The following PLCL1 variants were observed in gnomAD, a reference collection of about 807,000 sequenced individuals.
PLCL1 encodes the protein phospholipase C like 1 (inactive).
A neutral mutation model predicts 84.4 loss-of-function variants in PLCL1; 41 were observed. The observed-to-expected ratio is 0.49, with a 90% CI of 0.38 to 0.63. The LOEUF is 0.63. Ranked by LOEUF, PLCL1 falls within the 30% of genes least tolerant of loss-of-function variation. PLCL1 has a pLI of 0.00. For synonymous variants in PLCL1, 490 were observed against 488.3 expected (o/e 1.00, Z -0.05); for missense variants, 1,206 against 1,367.8 (o/e 0.88, Z 1.87).
At chr2:197,996,183 G>T (rs1269781087) in intron 1 of PLCL1, among the ~76,000 whole-genome samples, 1 of 152,068 alleles carries the variant, frequency 6.6e-6, no homozygotes, top group African/African-American at 2.4e-5. Flanking sequence ...TTTGAAGAGA[G>T]ATCCAGGCCA....
intron 1 of PLCL1, among the ~76,000 whole-genome samples, chr2:197,874,274 A>G (rs762654915): frequency 2.0e-5 from 3 of 152,130 alleles, no homozygotes; most frequent in Non-Finnish European, 4.4e-5. Flanking sequence ...TTATTTTTGA[A>G]TATTGCAATT....
At chr2:197,994,511 G>A (rs1225940117) in intron 1 of PLCL1, among the ~76,000 whole-genome samples, 1 of 152,150 alleles carries the variant, frequency 6.6e-6, no homozygotes, top group Non-Finnish European at 1.5e-5. Context: ...CATATTTGGG[G>A]ATATAAGATA....
intron 1 of PLCL1, among the ~76,000 whole-genome samples, chr2:198,000,970 G>T (rs765612902): frequency 1.3e-5 from 2 of 152,048 alleles, no homozygotes; most frequent in Non-Finnish European, 2.9e-5. Context: ...ACTTTTCAGA[G>T]CCTTAAGTTT....
rs766374390 is a variant in PLCL1 at position 198,146,436 on chromosome 2, C to T, written c.3106-344C>T. Among the ~76,000 whole-genome samples, 8 of 152,070 alleles carry T rather than the reference C, an allele frequency of 5.3e-5. No individual in the cohort carries two copies. In the East Asian group the frequency reaches 1.2e-3, roughly 22 times the overall value. ...CAAGACTAGGAATGCTGGATCTGGG[C>T]GGGGTAGGTATTGCAGCAGTGTGCA... On this transcript the variant is annotated intron_variant, in intron 5 of 5. Transcript: ENST00000428675.
At chr2:197,956,189 A>G (rs1011767845) in intron 1 of PLCL1, among the ~76,000 whole-genome samples, 43 of 152,140 alleles carry the variant, frequency 2.8e-4, no homozygotes, top group African/African-American at 1.0e-3. Flanking sequence ...CATGGTGTAT[A>G]TGTGCCACAT....
chr2:197,863,272 G>C (rs886806317), intron 1 of PLCL1, among the ~76,000 whole-genome samples: 1 of 151,680 alleles, frequency 6.6e-6, no homozygotes, highest in Non-Finnish European at 1.5e-5. Context: ...GCTTGATGCT[G>C]TTTATAAAAT....
chr2:198,089,157 G>C, intron 3 of PLCL1, 96 bp downstream of exon 3: 1 of 853,480 alleles, frequency 1.2e-6, no homozygotes, highest in Non-Finnish European at 1.9e-6. Context: ...AATAACACAG[G>C]GTGACTACCT....
At chr2:197,926,203 C>T (rs1688826461) in intron 1 of PLCL1, among the ~76,000 whole-genome samples, 1 of 152,100 alleles carries the variant, frequency 6.6e-6, no homozygotes, top group African/African-American at 2.4e-5. Flanking sequence ...TGCTGTAGAG[C>T]CCCAAACCAA....
intron 1 of PLCL1, among the ~76,000 whole-genome samples, chr2:197,836,140 T>A (rs1691181854): frequency 6.6e-6 from 1 of 152,320 alleles, no homozygotes; most frequent in Non-Finnish European, 1.5e-5. Flanking sequence ...GGCCAGTTTT[T>A]AAATCATCCT....
At chr2:197,857,323 A>G (rs764715688) in intron 1 of PLCL1, among the ~76,000 whole-genome samples, 41 of 151,826 alleles carry the variant, frequency 2.7e-4, no homozygotes, top group Admixed American at 5.2e-4. Flanking sequence ...CTTTTAAATC[A>G]CCACCAGTAC....
intron 1 of PLCL1, among the ~76,000 whole-genome samples, chr2:198,014,912 T>C (rs1449169680): frequency 1.3e-5 from 2 of 152,232 alleles, no homozygotes; most frequent in African/African-American, 4.8e-5. Flanking sequence ...ACAGGAATTT[T>C]TCCCCCCATA....
At chr2:198,029,983 A>AACTACAGTG in intron 1 of PLCL1, among the ~76,000 whole-genome samples, 1 of 152,006 alleles carries the variant, frequency 6.6e-6, no homozygotes, top group South Asian at 2.1e-4. Flanking sequence ...TACAGATGTG[A>AACTACAGTG]ACTACAGTGC....
intron 1 of PLCL1, among the ~76,000 whole-genome samples, chr2:197,941,315 A>G (rs988363877): frequency 6.6e-6 from 1 of 151,232 alleles, no homozygotes; most frequent in Non-Finnish European, 1.5e-5. Flanking sequence ...TTTTTGAGAC[A>G]GGGTCTCGCT....
At position 197,877,294 on chromosome 2, in the gene PLCL1, G is replaced by T. The variant is rs141572066; in HGVS notation, c.240+71955G>T. ...CTCTTTTTTATGAGAGGAATGCCTGGGAAAATAAATGAAAGTTCAAGTGGG... is the reference window on the plus strand; with the variant it reads ...CTCTTTTTTATGAGAGGAATGCCTGTGAAAATAAATGAAAGTTCAAGTGGG... On this transcript the variant is annotated intron_variant, in intron 1 of 5. Coordinates refer to ENST00000428675, the MANE Select transcript of PLCL1 (RefSeq NM_006226.4). Among the ~76,000 whole-genome samples, 456 of 152,090 alleles carry T rather than the reference G, an allele frequency of 3.0e-3. 1 individual carries two copies. The highest frequency in any genetic ancestry group is 0.011 in the African/African-American group (439 of 41,494).
At chr2:197,819,955 T>C (rs1690782967) in intron 1 of PLCL1, among the ~76,000 whole-genome samples, 1 of 151,784 alleles carries the variant, frequency 6.6e-6, no homozygotes, top group African/African-American at 2.4e-5. Flanking sequence ...ATACTTTTAC[T>C]CTTCATTTTC....
At position 197,917,945 on chromosome 2, in the gene PLCL1, C is replaced by T. The variant is rs570317918; in HGVS notation, c.240+112606C>T. On this transcript the variant is annotated intron_variant, in intron 1 of 5. Coordinates refer to ENST00000428675, the MANE Select transcript of PLCL1 (RefSeq NM_006226.4). ...AAAGTAGTACTGGAACCTGCCCCACCGCCACCCCAAATAAAATAGATCCGT... is the reference window on the plus strand; with the variant it reads ...AAAGTAGTACTGGAACCTGCCCCACTGCCACCCCAAATAAAATAGATCCGT... 8.5e-4 allele frequency among the ~76,000 whole-genome samples: 130 copies of T among 152,132 alleles called. 1 individual carries two copies. Among genetic ancestry groups the T allele is most frequent in the African/African-American group, 2.7e-3 (112 of 41,490 alleles).
At chr2:198,068,966 C>T (rs752997149) in intron 1 of PLCL1, among the ~76,000 whole-genome samples, 2 of 151,706 alleles carry the variant, frequency 1.3e-5, no homozygotes, top group South Asian at 2.1e-4. Context: ...ACCCAGGAGG[C>T]GGAGGTTGCA....
intron 5 of PLCL1, among the ~76,000 whole-genome samples, chr2:198,108,151 C>G (rs186576707): frequency 6.6e-6 from 1 of 151,992 alleles, no homozygotes; most frequent in Admixed American, 6.6e-5. Context: ...CAGAGCTCCT[C>G]TAAGTATTTT....
chr2:197,945,879 C>A (rs1473407363), intron 1 of PLCL1, among the ~76,000 whole-genome samples: 1 of 152,102 alleles, frequency 6.6e-6, no homozygotes, highest in South Asian at 2.1e-4. Flanking sequence ...TATATTAATA[C>A]ACTTTAATAT....
Sources: allele counts gnomAD v4.1 joint callset (sites outside exome capture counted in the v4.1 genomes callset), GRCh38; gene constraint gnomAD v4.1.1; transcripts MANE v1.5; gene names NCBI Gene and HGNC (gene_info 2026-07-23, HGNC 2026-07-21).